CAPN9: variants seen among roughly 807,000 people sequenced by gnomAD.
The protein encoded by CAPN9 is calpain 9.
CAPN9 carries 81 observed loss-of-function variants against 92.8 expected under a neutral mutation model. The observed-to-expected ratio is 0.87, with a 90% confidence interval of 0.73 to 1.05. The LOEUF (loss-of-function observed/expected upper bound fraction) is 1.05. Ranked by LOEUF, CAPN9 falls within the 50% of genes least tolerant of loss-of-function variation. The pLI, the probability that CAPN9 is intolerant of heterozygous loss-of-function variation, is 0.00. For missense variants in CAPN9, 848 were observed against 866.2 expected (o/e 0.98, Z 0.26); for synonymous variants, 304 against 328.0 (o/e 0.93, Z 0.79).
At chr1:230,781,801 G>A (rs995093044) in intron 11 of CAPN9, among the ~76,000 whole-genome samples, 1 of 152,238 alleles carries the variant, frequency 6.6e-6, no homozygotes, top group African/African-American at 2.4e-5. Context: ...TTCGTTTAGT[G>A]AGAGAGAATT....
intron 11 of CAPN9, among the ~76,000 whole-genome samples, chr1:230,785,002 G>A (rs1489219718): frequency 6.6e-6 from 1 of 152,244 alleles, no homozygotes; most frequent in East Asian, 1.9e-4. Flanking sequence ...CCTGGATGTA[G>A]GACATGGAGT....
intron 1 of CAPN9, among the ~76,000 whole-genome samples, chr1:230,751,539 T>C (rs535857939): frequency 5.3e-5 from 4 of 75,094 alleles, no homozygotes; most frequent in African/African-American, 1.4e-4. Context: ...GAAAGAAAGA[T>C]AGAAAAAAAG....
At chr1:230,798,952 C>G (rs1268482382) in intron 19 of CAPN9, among the ~76,000 whole-genome samples, 1 of 152,182 alleles carries the variant, frequency 6.6e-6, no homozygotes, top group Non-Finnish European at 1.5e-5. Flanking sequence ...CATTCTCCTG[C>G]CCAAAGGCAG....
At chr1:230,761,941 A>C (rs565157124) in intron 3 of CAPN9, among the ~76,000 whole-genome samples, 1 of 152,220 alleles carries the variant, frequency 6.6e-6, no homozygotes, top group Non-Finnish European at 1.5e-5. Flanking sequence ...GCATGCACAC[A>C]TACATGCACA....
At position 230,801,696 on chromosome 1, in the gene CAPN9, A is replaced by G. The variant is rs1469088698; in HGVS notation, c.*100A>G. ...TGTGGAACCATTACGCCCAGGGTTC[A>G]CTCCCCTCTCATCGTCCGGCCTTCT... On this transcript the variant is annotated 3_prime_UTR_variant, in exon 20 of 20. Transcript: ENST00000271971. The G allele has an allele frequency of 4.7e-6, 5 of 1,053,336 alleles. No homozygotes were observed. The highest frequency in any genetic ancestry group is 3.4e-5 in the Admixed American group (2 of 59,070). 65.2% of individuals were successfully genotyped at this position (1,053,336 alleles called of 1,614,324 possible).
At position 230,751,638 on chromosome 1, in the gene CAPN9, AG is replaced by A. The variant is rs1664824028; in HGVS notation, c.214-3698del. 2.1e-5 allele frequency among the ~76,000 whole-genome samples: 2 copies of A among 94,882 alleles called. 1 individual carries two copies. The highest frequency in any genetic ancestry group is 1.8e-4 in the Admixed American group (2 of 10,912). 62.2% of individuals were successfully genotyped at this position (94,882 alleles called of 152,430 possible). A position where few individuals can be genotyped will look rare whatever the true frequency, so the allele number is the denominator to read the frequency against. On this transcript the variant is annotated intron_variant, in intron 1 of 19. Transcript: ENST00000271971. ...AAGAAAGAAAGAAAGAAAGAAAGAA[AG>A]AAAGAAAGAAAGAAAGAAAGAAAGA...
At position 230,798,238 on chromosome 1, in the gene CAPN9, C is replaced by T. The variant is rs1284062904; in HGVS notation, c.2046+18C>T. On this transcript the variant is annotated intron_variant, in intron 19 of 19. Transcript: ENST00000271971. ...TAAATGAGGTATGGCCAATCCAGACCCTCTGCTCAGGGACCCAGCTGGGGC... is the reference window on the plus strand; with the variant it reads ...TAAATGAGGTATGGCCAATCCAGACTCTCTGCTCAGGGACCCAGCTGGGGC... 4 of 1,590,272 alleles carry T rather than the reference C, an allele frequency of 2.5e-6. No homozygotes were observed. Among genetic ancestry groups the T allele is most frequent in the Non-Finnish European group, 3.5e-6 (4 of 1,158,978 alleles).
chr1:230,758,572 T>A (rs1396264490), intron 2 of CAPN9, among the ~76,000 whole-genome samples: 1 of 152,120 alleles, frequency 6.6e-6, no homozygotes, highest in Non-Finnish European at 1.5e-5. Flanking sequence ...GCTTTCCCGA[T>A]GTTCAGCCCT....
chr1:230,774,297 A>T (rs1267345509), intron 7 of CAPN9, among the ~76,000 whole-genome samples: 1 of 152,160 alleles, frequency 6.6e-6, no homozygotes, highest in Non-Finnish European at 1.5e-5. Flanking sequence ...ATAATCTTCC[A>T]TGTCGGTGGT....
At chr1:230,789,573 C>T (rs1667844196) in intron 13 of CAPN9, among the ~76,000 whole-genome samples, 1 of 150,824 alleles carries the variant, frequency 6.6e-6, no homozygotes, top group Non-Finnish European at 1.5e-5. Flanking sequence ...GCTGAGATTT[C>T]CTGGAGTGCC....
intron 7 of CAPN9, among the ~76,000 whole-genome samples, chr1:230,772,530 G>A (rs970403076): frequency 1.3e-5 from 2 of 152,124 alleles, no homozygotes; most frequent in African/African-American, 4.8e-5. Flanking sequence ...TGTAACTATA[G>A]GATTCTCTCT....
intron 4 of CAPN9, among the ~76,000 whole-genome samples, chr1:230,763,238 T>C (rs912313580): frequency 2.0e-5 from 3 of 152,204 alleles, no homozygotes; most frequent in African/African-American, 4.8e-5. Flanking sequence ...TAAATAATCG[T>C]ATATGATAAA....
At chr1:230,800,012 A>T (rs1668574429) in intron 19 of CAPN9, among the ~76,000 whole-genome samples, 1 of 151,760 alleles carries the variant, frequency 6.6e-6, no homozygotes, top group Admixed American at 6.6e-5. Context: ...CCCCATCTCT[A>T]CTAAAAATAC....
intron 17 of CAPN9, among the ~76,000 whole-genome samples, chr1:230,794,352 G>A (rs1668198951): frequency 6.6e-6 from 1 of 152,022 alleles, no homozygotes; most frequent in Admixed American, 6.6e-5. Flanking sequence ...GTGGTGGCAG[G>A]TGCCTGTAGT....
In CAPN9 at chr1:230,768,041, TAAATAAATAAATAAA is replaced by T. The variant is rs1222688871; in HGVS notation, c.705+340_705+354del. On this transcript the variant is annotated intron_variant, in intron 5 of 19. Coordinates refer to ENST00000271971, the MANE Select transcript of CAPN9 (RefSeq NM_006615.3). The stretch of plus-strand genomic sequence containing the variant: ...ATAAATAAATAAATAAATAAATAAA[TAAATAAATAAATAAA>T]AAATAAAATAAAATAAAATAAAAAT... 4.4e-3 allele frequency among the ~76,000 whole-genome samples: 538 copies of T among 123,572 alleles called. 12 individuals carry two copies. In the East Asian group the frequency reaches 0.068, roughly 16 times the overall value. 81.1% of individuals were successfully genotyped at this position (123,572 alleles called of 152,430 possible).
intron 6 of CAPN9, among the ~76,000 whole-genome samples, chr1:230,770,191 A>G (rs1401902401): frequency 1.3e-5 from 2 of 152,202 alleles, no homozygotes; most frequent in Non-Finnish European, 2.9e-5. Flanking sequence ...GGCCCAAGAA[A>G]GCCAGTGGTG....
In CAPN9 at chr1:230,780,701, A is replaced by G. The variant is rs1476747121; in HGVS notation, c.1474A>G (p.Ile492Val). 1.2e-6 allele frequency: 2 copies of G among 1,613,746 alleles called. No homozygotes were observed. The highest frequency in any genetic ancestry group is 2.7e-5 in the African/African-American group (2 of 74,846). Residue 492 changes from isoleucine to valine, a missense_variant, in exon 11 of 20, where the codon ATT becomes GTT. By Grantham distance (29) the Ile-to-Val change is conservative. Transcript: ENST00000271971. ...CLRIFSEKKA[I>V]TRDMDGNVDI... is the part of the protein sequence containing the mutation. ...GAGAATCTTTTCAGAGAAAAAAGCC[A>G]TTACCCGGTGAGTCAGAGGAACAGC...
intron 18 of CAPN9, among the ~76,000 whole-genome samples, chr1:230,797,163 G>T (rs931815939): frequency 6.6e-6 from 1 of 152,098 alleles, no homozygotes; most frequent in Non-Finnish European, 1.5e-5. Context: ...CACAGCATTG[G>T]GAGTTACGCA....
chr1:230,770,863 G>A (rs144997281), intron 6 of CAPN9, among the ~76,000 whole-genome samples: 106 of 152,260 alleles, frequency 7.0e-4, no homozygotes, highest in African/African-American at 2.5e-3. Flanking sequence ...CTGAATGCGT[G>A]GGGAGTAAAG....
Sources: gnomAD v4.1 joint callset for allele counts (sites outside exome capture counted in the v4.1 genomes callset) on GRCh38, gnomAD v4.1.1 for gene constraint, MANE v1.5 for transcripts, NCBI Gene and HGNC (gene_info 2026-07-23, HGNC 2026-07-21) for gene names.